Variants in RAD51B observed in about 807,000 individuals in gnomAD.
The protein encoded by RAD51B is RAD51 paralog B.
RAD51B carries 38 observed loss-of-function variants against 42.2 expected under a neutral mutation model. The ratio of observed to expected loss-of-function variants is 0.90; its 90% CI spans 0.70 to 1.18. The LOEUF (loss-of-function observed/expected upper bound fraction) is 1.18, where lower values mean the gene tolerates loss of function less well. Ranked by LOEUF, RAD51B falls within the 50% of genes most tolerant of loss-of-function variation. The pLI is 0.00. For synonymous variants in RAD51B, 154 were observed against 145.2 expected, an observed-to-expected ratio of 1.06 and a Z score of -0.43; for missense variants, 373 against 400.7, an observed-to-expected ratio of 0.93 and a Z score of 0.59.
intron 4 of RAD51B, among the ~76,000 whole-genome samples, chr14:67,854,795 TCTA>T: frequency 6.6e-6 from 1 of 151,188 alleles, no homozygotes; most frequent in East Asian, 1.9e-4. Context: ...AGACCCTAGC[TCTA>T]CAAAAAGTAA....
chr14:68,440,903 T>C (rs2085270962), intron 9 of RAD51B, among the ~76,000 whole-genome samples: 1 of 152,178 alleles, frequency 6.6e-6, no homozygotes. Flanking sequence ...CAAGCCAATA[T>C]TGATTTATTT....
chr14:68,562,491 T>C (rs563676413), intron 10 of RAD51B: 1 of 985,190 alleles, frequency 1.0e-6, no homozygotes, highest in South Asian at 4.7e-5. Flanking sequence ...CTGAGCGCTC[T>C]CTGCCTCAGT....
intron 7 of RAD51B, among the ~76,000 whole-genome samples, chr14:68,179,680 C>A (rs1248985388): frequency 1.3e-5 from 2 of 152,072 alleles, no homozygotes; most frequent in African/African-American, 4.8e-5. Flanking sequence ...TTTCAAAGAA[C>A]ATCTCTAGTA....
intron 8 of RAD51B, among the ~76,000 whole-genome samples, chr14:68,366,233 T>A (rs754773968): frequency 7.2e-5 from 11 of 152,202 alleles, no homozygotes; most frequent in Non-Finnish European, 1.5e-4. Flanking sequence ...TCAACTAAAG[T>A]ACTGTTCATC....
chr14:68,613,655 C>A (rs557274267), downstream of RAD51B, among the ~76,000 whole-genome samples: 1 of 151,820 alleles, frequency 6.6e-6, no homozygotes, highest in Non-Finnish European at 1.5e-5. Flanking sequence ...GGGGTTTCAC[C>A]GTGTTAGCCA....
chr14:68,295,409 A>G (rs778027145), intron 8 of RAD51B, among the ~76,000 whole-genome samples: 4 of 152,190 alleles, frequency 2.6e-5, no homozygotes, highest in Non-Finnish European at 4.4e-5. Flanking sequence ...AAACACTGGG[A>G]GGGCAACAGC....
chr14:67,943,690 C>T (rs1049579677), intron 7 of RAD51B, among the ~76,000 whole-genome samples: 2 of 152,124 alleles, frequency 1.3e-5, no homozygotes, highest in African/African-American at 2.4e-5. Context: ...TGATTAAGTA[C>T]TCAGAACACT....
intron 7 of RAD51B, among the ~76,000 whole-genome samples, chr14:68,100,244 TA>T (rs1386433284): frequency 6.6e-6 from 1 of 152,224 alleles, no homozygotes; most frequent in African/African-American, 2.4e-5. Flanking sequence ...AAAGTGGCTT[TA>T]AAAACTATTT....
intron 10 of RAD51B, among the ~76,000 whole-genome samples, chr14:68,512,930 C>A (rs568329953): frequency 6.6e-6 from 1 of 151,874 alleles, no homozygotes; most frequent in African/African-American, 2.4e-5. Context: ...ATGTTCAATC[C>A]AGAAAGAACA....
At chr14:68,596,691 T>C (rs995107362), downstream of RAD51B, among the ~76,000 whole-genome samples, 8 of 152,242 alleles carry the variant, frequency 5.3e-5, no homozygotes, top group African/African-American at 1.9e-4. Flanking sequence ...GCACACGCCA[T>C]TTCTGTCACA....
chr14:68,332,773 C>G (rs2082376112), intron 8 of RAD51B, among the ~76,000 whole-genome samples: 1 of 152,170 alleles, frequency 6.6e-6, no homozygotes, highest in Non-Finnish European at 1.5e-5. Context: ...TTTTCTTATT[C>G]CAGTTCAATT....
chr14:67,830,455 G>A (rs1045557471), intron 3 of RAD51B, among the ~76,000 whole-genome samples: 11 of 152,276 alleles, frequency 7.2e-5, no homozygotes, highest in Admixed American at 1.3e-4. Context: ...AGGCTGGAGT[G>A]CAGTGGTGCG....
chr14:68,178,346 A>C (rs1475644453), intron 7 of RAD51B, among the ~76,000 whole-genome samples: 4 of 152,174 alleles, frequency 2.6e-5, no homozygotes, highest in Non-Finnish European at 5.9e-5. Context: ...GTTATGTATC[A>C]CTTCCCACTT....
At chr14:68,674,528 A>G (rs1369814634) in intron 11 of RAD51B, among the ~76,000 whole-genome samples, 1 of 151,950 alleles carries the variant, frequency 6.6e-6, no homozygotes, top group African/African-American at 2.4e-5. Flanking sequence ...TATATAACAT[A>G]TAATGTTACC....
chr14:68,632,723 C>A (rs1320038564), intron 10 of RAD51B, among the ~76,000 whole-genome samples: 1 of 152,156 alleles, frequency 6.6e-6, no homozygotes, highest in African/African-American at 2.4e-5. Context: ...GGAGCCAGCT[C>A]CAACAAACCC....
intron 10 of RAD51B, among the ~76,000 whole-genome samples, chr14:68,558,315 T>C (rs1888963115): frequency 6.6e-6 from 1 of 152,230 alleles, no homozygotes; most frequent in South Asian, 2.1e-4. Flanking sequence ...GCAAGCCCAA[T>C]GCTGACATGA....
At chr14:68,202,685 C>T (rs949616788) in intron 7 of RAD51B, among the ~76,000 whole-genome samples, 14 of 145,356 alleles carry the variant, frequency 9.6e-5, no homozygotes, top group Non-Finnish European at 1.6e-4. Flanking sequence ...CGGGTTAAAG[C>T]GATTCTCCTG....
At chr14:68,423,000 G>A (rs1398910304) in intron 9 of RAD51B, among the ~76,000 whole-genome samples, 3 of 152,036 alleles carry the variant, frequency 2.0e-5, no homozygotes, top group African/African-American at 7.3e-5. Flanking sequence ...TTCTTACCTT[G>A]GCAGAGCTTA....
intron 7 of RAD51B, among the ~76,000 whole-genome samples, chr14:68,151,827 T>C (rs1473416730): frequency 0.029 from 146 of 5,004 alleles, no homozygotes; most frequent in African/African-American, 0.087. Flanking sequence ...TAAAGACTTT[T>C]TTTTTTTTTT....
Sources: allele counts gnomAD v4.1 joint callset (sites outside exome capture counted in the v4.1 genomes callset), GRCh38; gene constraint gnomAD v4.1.1; transcripts MANE v1.5; gene names NCBI Gene and HGNC (gene_info 2026-07-23, HGNC 2026-07-21).